RBFOX1: variants seen among roughly 807,000 people sequenced by gnomAD.
RBFOX1 encodes RNA binding protein fox-1 homolog 1.
RBFOX1 carries 8 observed loss-of-function variants against 57.7 expected under a neutral mutation model. That is an observed-to-expected ratio of 0.14 (90% CI 0.08 to 0.25). The LOEUF is 0.25. Ranked by LOEUF, RBFOX1 falls within the 10% of genes least tolerant of loss-of-function variation. The pLI is 1.00. For missense variants in RBFOX1, 611 were observed against 548.5 expected, an observed-to-expected ratio of 1.11 and a Z score of -1.14; for synonymous variants, 326 against 222.4, an observed-to-expected ratio of 1.47 and a Z score of -4.15.
chr16:5,353,309 C>T (rs2065305606), intron 1 of RBFOX1, among the ~76,000 whole-genome samples: 1 of 149,582 alleles, frequency 6.7e-6, no homozygotes, highest in Non-Finnish European at 1.5e-5. Context: ...GCCCGGGAGG[C>T]AGAGGTTGCA....
At chr16:5,965,238 A>T (rs1181197915) in intron 4 of RBFOX1, among the ~76,000 whole-genome samples, 1 of 152,196 alleles carries the variant, frequency 6.6e-6, no homozygotes, top group Non-Finnish European at 1.5e-5. Flanking sequence ...CAGTATAGTG[A>T]CTATAGTTAA....
intron 1 of RBFOX1, among the ~76,000 whole-genome samples, chr16:5,357,856 C>G (rs1157245529): frequency 6.6e-6 from 1 of 152,202 alleles, no homozygotes; most frequent in African/African-American, 2.4e-5. Context: ...TCCTTAAATG[C>G]TGTTTGAAAT....
At chr16:5,344,457 G>C (rs1425561217) in intron 1 of RBFOX1, among the ~76,000 whole-genome samples, 1 of 152,160 alleles carries the variant, frequency 6.6e-6, no homozygotes, top group Non-Finnish European at 1.5e-5. Context: ...CTCACTGGAT[G>C]CTTCTTATTT....
In RBFOX1 at chr16:5,908,127, TA is replaced by T. The variant is rs2058511727; in HGVS notation, c.351+40793del. Among the ~76,000 whole-genome samples the T allele has an allele frequency of 2.1e-5, 3 of 143,742 alleles. 1 individual carries two copies. Among genetic ancestry groups the T allele is most frequent in the African/African-American group, 8.3e-5 (3 of 36,354 alleles). The allele number at this position is 143,742 out of a possible 152,430, so 94.3% of individuals were successfully genotyped here. A position where few individuals can be genotyped will look rare whatever the true frequency, so the allele number is the denominator to read the frequency against. ...ATATATATACACATATATACACATA[TA>T]TATATACACATATATACACATATAT... is the stretch of plus-strand genomic sequence containing the variant. On this transcript the variant is annotated intron_variant, in intron 4 of 19. Transcript: ENST00000641259.
chr16:5,496,359 T>A (rs1366640232), intron 2 of RBFOX1, among the ~76,000 whole-genome samples: 1 of 152,152 alleles, frequency 6.6e-6, no homozygotes, highest in Non-Finnish European at 1.5e-5. Context: ...CCCTTAGCCC[T>A]CCTGTACCAT....
intron 3 of RBFOX1, among the ~76,000 whole-genome samples, chr16:6,810,990 AT>A (rs1438296547): frequency 6.6e-6 from 1 of 152,196 alleles, no homozygotes; most frequent in East Asian, 1.9e-4. Flanking sequence ...TCCAGAACGG[AT>A]TTACACAATT....
At chr16:6,406,428 C>T (rs543676594) in intron 2 of RBFOX1, among the ~76,000 whole-genome samples, 1 of 152,088 alleles carries the variant, frequency 6.6e-6, no homozygotes, top group Admixed American at 6.5e-5. Context: ...ATATGGAAGT[C>T]ATTAACACTG....
chr16:6,665,287 G>C (rs919054242), intron 3 of RBFOX1, among the ~76,000 whole-genome samples: 14 of 152,076 alleles, frequency 9.2e-5, no homozygotes, highest in African/African-American at 3.4e-4. Flanking sequence ...GCAGTGGGAT[G>C]GGGTCCAGCT....
chr16:7,705,984 A>C (rs1598586747), intron 14 of RBFOX1, among the ~76,000 whole-genome samples: 1 of 152,160 alleles, frequency 6.6e-6, no homozygotes, highest in Admixed American at 6.5e-5. Flanking sequence ...TCGTGTCCTA[A>C]CATGGCGACC....
chr16:7,440,095 C>T (rs530062485), intron 4 of RBFOX1, among the ~76,000 whole-genome samples: 1 of 151,836 alleles, frequency 6.6e-6, no homozygotes, highest in South Asian at 2.1e-4. Flanking sequence ...GGGGTTTTGC[C>T]GTGTCGCCTA....
intron 4 of RBFOX1, among the ~76,000 whole-genome samples, chr16:5,968,004 G>C (rs953656912): frequency 1.5e-4 from 23 of 152,034 alleles, no homozygotes; most frequent in Non-Finnish European, 3.1e-4. Context: ...CTCAGTCTTA[G>C]TTCTACAAAT....
chr16:6,842,313 G>A (rs933664797), intron 3 of RBFOX1, among the ~76,000 whole-genome samples: 4 of 151,724 alleles, frequency 2.6e-5, no homozygotes, highest in African/African-American at 4.8e-5. Context: ...ATTTTTTTCT[G>A]ATCAGAGAAA....
intron 3 of RBFOX1, among the ~76,000 whole-genome samples, chr16:5,717,858 A>G (rs1377417244): frequency 2.6e-5 from 4 of 152,240 alleles, no homozygotes; most frequent in African/African-American, 7.2e-5. Flanking sequence ...ATTTTTGACC[A>G]TCTGTTTACA....
intron 3 of RBFOX1, among the ~76,000 whole-genome samples, chr16:5,794,858 T>G (rs574943052): frequency 3.3e-5 from 5 of 152,270 alleles, no homozygotes; most frequent in Admixed American, 2.6e-4. Flanking sequence ...GAGGCTGCAA[T>G]CCTACTATGG....
rs1567536528 is a variant in RBFOX1 at position 5,455,026 on chromosome 16, TCTCTCTG to T, written c.220-12189_220-12183del. 7.3e-4 allele frequency among the ~76,000 whole-genome samples: 88 copies of T among 120,238 alleles called. 2 individuals carry two copies. The highest frequency in any genetic ancestry group is 2.7e-3 in the East Asian group (10 of 3,760). 78.9% of individuals were successfully genotyped at this position (120,238 alleles called of 152,430 possible). On this transcript the variant is annotated intron_variant, in intron 1 of 2. Coordinates refer to the RBFOX1 transcript ENST00000585867. ...TTCTTTCTTTCTTTCTTTCTTTCTC[TCTCTCTG>T]TCTGTCTCTCTTTCTTTCTTTCTCT...
chr16:7,374,452 G>C (rs899411815), intron 4 of RBFOX1, among the ~76,000 whole-genome samples: 5 of 152,122 alleles, frequency 3.3e-5, no homozygotes, highest in African/African-American at 7.2e-5. Flanking sequence ...ATTAGGGCTT[G>C]AGTTCCAAGA....
intron 4 of RBFOX1, among the ~76,000 whole-genome samples, chr16:7,408,859 G>T (rs1228786140): frequency 6.7e-6 from 1 of 149,626 alleles, no homozygotes; most frequent in African/African-American, 2.5e-5. Context: ...CAGGGGGGTG[G>T]TTAACATATT....
intron 3 of RBFOX1, among the ~76,000 whole-genome samples, chr16:6,843,330 C>T (rs978788158): frequency 6.6e-6 from 1 of 151,814 alleles, no homozygotes; most frequent in East Asian, 1.9e-4. Flanking sequence ...ATAGAGAAAA[C>T]ACATATTCCA....
At chr16:5,404,457 C>G (rs1050864675) in intron 1 of RBFOX1, among the ~76,000 whole-genome samples, 3 of 152,148 alleles carry the variant, frequency 2.0e-5, no homozygotes, top group Non-Finnish European at 4.4e-5. Flanking sequence ...GAAAGTTTCT[C>G]CCGATCAGTG....
Sources: allele counts gnomAD v4.1 joint callset (sites outside exome capture counted in the v4.1 genomes callset), GRCh38; gene constraint gnomAD v4.1.1; transcripts MANE v1.5; gene names NCBI Gene and HGNC (gene_info 2026-07-23, HGNC 2026-07-21).